The following RHOH variants were observed in gnomAD, a reference collection of about 807,000 sequenced individuals.
RHOH encodes the protein rho-related GTP-binding protein RhoH.
In RHOH, 6 loss-of-function variants were observed where a neutral mutation model predicts 13.8. That is an observed-to-expected ratio of 0.44 (90% CI 0.24 to 0.86). The LOEUF is 0.86. Among genes scored for constraint, RHOH ranks in the 40% least tolerant of loss-of-function variants. RHOH has a pLI of 0.24. For missense variants in RHOH, 147 were observed against 244.5 expected, an observed-to-expected ratio of 0.60 and a Z score of 2.66; for synonymous variants, 117 against 103.0, an observed-to-expected ratio of 1.14 and a Z score of -0.82.
At chr4:40,210,647 G>A (rs1045730084) in intron 1 of RHOH, among the ~76,000 whole-genome samples, 1 of 151,924 alleles carries the variant, frequency 6.6e-6, no homozygotes, top group African/African-American at 2.4e-5. Flanking sequence ...AACAGGCAGG[G>A]TGGGTGGGTG....
upstream of RHOH, among the ~76,000 whole-genome samples, chr4:40,195,481 G>A (rs960792503): frequency 6.5e-5 from 9 of 139,034 alleles, no homozygotes; most frequent in Non-Finnish European, 1.1e-4. Flanking sequence ...CTCTTTTTTC[G>A]AGACAGGGTC....
intron 1 of RHOH, among the ~76,000 whole-genome samples, chr4:40,203,012 C>T (rs1724199177): frequency 6.6e-6 from 1 of 151,974 alleles, no homozygotes; most frequent in Non-Finnish European, 1.5e-5. Context: ...CGCTCTGTTG[C>T]CCAGGCTGGA....
At chr4:40,193,494 G>GAGAGAGAGAC (rs1315547873), upstream of RHOH, among the ~76,000 whole-genome samples, 1 of 139,530 alleles carries the variant, frequency 7.2e-6, no homozygotes, top group East Asian at 2.4e-4. Context: ...GAGAGAGAGA[G>GAGAGAGAGAC]AGAGAGAGAG....
At chr4:40,191,770 C>T (rs1157105814), upstream of RHOH, among the ~76,000 whole-genome samples, 1 of 151,870 alleles carries the variant, frequency 6.6e-6, no homozygotes, top group Non-Finnish European at 1.5e-5. Context: ...TCCTGAGAAC[C>T]GAATATTCAC....
At position 40,243,450 on chromosome 4, in the gene RHOH, G is replaced by A; in HGVS notation, c.64G>A (p.Val22Met). The change falls in exon 3 of 3, where the codon GTG becomes ATG. Residue 22 changes from valine (V) to methionine (M), a missense_variant. By Grantham distance (21) the Val-to-Met change is conservative. Transcript: ENST00000381799. The surrounding 1 kb of genome is among the most constrained non-coding windows in gnomAD (Gnocchi z 6.2). ...DSAVGKTSLL[V>M]RFTSETFPEA... ...TGCTGTGGGGAAAACCTCTCTGTTG[G>A]TGCGCTTCACCTCCGAGACCTTCCC... The A allele has an allele frequency of 6.2e-7, 1 of 1,613,522 alleles. No individual in the cohort carries two copies. Among genetic ancestry groups the A allele is most frequent in the Non-Finnish European group, 8.5e-7 (1 of 1,179,724 alleles).
upstream of RHOH, among the ~76,000 whole-genome samples, chr4:40,193,479 C>A (rs865979430): frequency 3.6e-4 from 32 of 88,676 alleles, no homozygotes; most frequent in African/African-American, 1.0e-3. Context: ...AGAATGAGAG[C>A]GAGAGAGAGA....
chr4:40,235,317 T>G lies in RHOH; in HGVS notation c.-330-7397T>G, dbSNP rs533991910. On this transcript the variant is annotated intron_variant, in intron 1 of 2. Transcript: ENST00000381799. ...AAAACATCAAGAACTGGGCCGGACATGGTGGCTCACGCCTGTAATCCCAGC... is the reference window on the plus strand; with the variant it reads ...AAAACATCAAGAACTGGGCCGGACAGGGTGGCTCACGCCTGTAATCCCAGC... 3.3e-5 allele frequency: 5 copies of G among 152,230 alleles called. No homozygotes were observed. The South Asian group carries it at 1.0e-3, about 32-fold the overall frequency. 9.4% of individuals were successfully genotyped at this position (152,230 alleles called of 1,614,324 possible). A position where few individuals can be genotyped will look rare whatever the true frequency, so the allele number is the denominator to read the frequency against.
At chr4:40,239,478 T>C (rs950125829) in intron 1 of RHOH, among the ~76,000 whole-genome samples, 4 of 152,230 alleles carry the variant, frequency 2.6e-5, no homozygotes, top group African/African-American at 7.2e-5. Context: ...AATAACTGTT[T>C]ATCATTATAT....
chr4:40,192,218 G>A (rs1722734345), upstream of RHOH, among the ~76,000 whole-genome samples: 1 of 152,160 alleles, frequency 6.6e-6, no homozygotes, highest in Non-Finnish European at 1.5e-5. Context: ...TACGACTAAT[G>A]GCCTGAGTTT....
chr4:40,246,683 G>A lies in RHOH; in HGVS notation c.*2721G>A, dbSNP rs1390373611. 6.6e-6 allele frequency: 1 copy of A among 152,310 alleles called. No individual in the cohort carries two copies. Among genetic ancestry groups the A allele is most frequent in the Non-Finnish European group, 1.5e-5 (1 of 68,130 alleles). The allele number at this position is 152,310 out of a possible 1,614,324, so 9.4% of individuals were successfully genotyped here. A position where few individuals can be genotyped will look rare whatever the true frequency, so the allele number is the denominator to read the frequency against. On this transcript the variant is annotated 3_prime_UTR_variant, in exon 3 of 3. Transcript: ENST00000381799. ...AAGTTGTGTTAAACTGAAATGGAGAGAAAGACAGTAATTGGGCTTCTGTGC... is the reference window on the plus strand; with the variant it reads ...AAGTTGTGTTAAACTGAAATGGAGAAAAAGACAGTAATTGGGCTTCTGTGC...
chr4:40,243,379 C>T lies in RHOH; in HGVS notation c.-8C>T. 3 of 1,570,952 alleles carry T rather than the reference C, an allele frequency of 1.9e-6. No homozygotes were observed. Among genetic ancestry groups the T allele is most frequent in the Non-Finnish European group, 2.6e-6 (3 of 1,156,582 alleles). On this transcript the variant is annotated 5_prime_UTR_variant, in exon 3 of 3. Transcript: ENST00000381799. The surrounding 1 kb of genome is among the most constrained non-coding windows in gnomAD (Gnocchi z 6.2). ...CTGGACTTCAGAGTAGGACAGCAGG[C>T]TGGGAAGATGCTGAGTTCCATCAAG...
chr4:40,243,449 G>A lies in RHOH; in HGVS notation c.63G>A (p.Leu21=). ...GDSAVGKTSL[L]VRFTSETFPE... is the part of the protein sequence containing the mutation. Reference sequence around the variant, plus strand: ...CTGCTGTGGGGAAAACCTCTCTGTTGGTGCGCTTCACCTCCGAGACCTTCC... The same window carrying A: ...CTGCTGTGGGGAAAACCTCTCTGTTAGTGCGCTTCACCTCCGAGACCTTCC... Residue 21 remains leucine (L), a synonymous_variant, in exon 3 of 3, where the codon TTG becomes TTA. Transcript: ENST00000381799. This position sits in a 1 kb window ranked among gnomAD's most constrained non-coding sequence, Gnocchi z 6.2. 5 of 1,613,356 alleles carry A rather than the reference G, an allele frequency of 3.1e-6. No homozygotes were observed. The highest frequency in any genetic ancestry group is 2.2e-5 in the East Asian group (1 of 44,860).
intron 1 of RHOH, among the ~76,000 whole-genome samples, chr4:40,207,643 A>G (rs1417017564): frequency 6.6e-6 from 1 of 152,238 alleles, no homozygotes; most frequent in Non-Finnish European, 1.5e-5. Flanking sequence ...CTCCTCCAGC[A>G]GGGGCTAGAT....
chr4:40,240,464 C>CTT (rs1729111559), intron 1 of RHOH: 1 of 151,054 alleles, frequency 6.6e-6, no homozygotes, highest in African/African-American at 2.4e-5. Flanking sequence ...GAGCAAGACT[C>CTT]TGTCTCAAAA....
At chr4:40,234,240 C>A (rs145134321) in intron 1 of RHOH, among the ~76,000 whole-genome samples, 1 of 152,332 alleles carries the variant, frequency 6.6e-6, no homozygotes, top group African/African-American at 2.4e-5. Flanking sequence ...GTGTCCTTCC[C>A]TGAGCACACC....
chr4:40,241,447 G>C (rs1560288083), intron 1 of RHOH, among the ~76,000 whole-genome samples: 1 of 152,188 alleles, frequency 6.6e-6, no homozygotes, highest in Admixed American at 6.5e-5. Flanking sequence ...CCAAGGTTCA[G>C]AGAGGTTAAG....
chr4:40,211,400 G>A (rs533102011), intron 1 of RHOH, among the ~76,000 whole-genome samples: 1 of 152,170 alleles, frequency 6.6e-6, no homozygotes, highest in African/African-American at 2.4e-5. Flanking sequence ...CAAGTAGCTG[G>A]GATTACAGAC....
chr4:40,208,670 T>C (rs758709264), intron 1 of RHOH, among the ~76,000 whole-genome samples: 9 of 152,158 alleles, frequency 5.9e-5, no homozygotes, highest in Non-Finnish European at 1.2e-4. Context: ...CAGCTTTAAA[T>C]TGTTCATAGT....
At chr4:40,236,649 G>A (rs1728611384) in intron 1 of RHOH, among the ~76,000 whole-genome samples, 1 of 151,980 alleles carries the variant, frequency 6.6e-6, no homozygotes, top group Non-Finnish European at 1.5e-5. Flanking sequence ...AAATTAGCTG[G>A]GCGTGGTGGT....
Sources: gnomAD v4.1 joint callset for allele counts (sites outside exome capture counted in the v4.1 genomes callset) on GRCh38, gnomAD v4.1.1 for gene constraint, Gnocchi (gnomAD v3.1) non-coding constraint, MANE v1.5 for transcripts, NCBI Gene and HGNC (gene_info 2026-07-23, HGNC 2026-07-21) for gene names.